UPF2: variants seen among roughly 807,000 people sequenced by gnomAD.
UPF2 encodes the protein regulator of nonsense transcripts 2.
In UPF2, 17 loss-of-function variants were observed where a neutral mutation model predicts 141.4. The ratio of observed to expected loss-of-function variants is 0.12; its 90% confidence interval spans 0.08 to 0.18. The LOEUF is 0.18. UPF2 is among the 10% of genes least tolerant of loss of function. The pLI, the probability that UPF2 is intolerant of heterozygous loss-of-function variation, is 1.00. For synonymous variants in UPF2, 540 were observed against 498.0 expected (o/e 1.08, Z -1.12); for missense variants, 1,152 against 1,515.9 (o/e 0.76, Z 3.99).
chr10:11,938,853 GTTTTTTTTTTTTTTTTTTT>G lies in UPF2; in HGVS notation c.3379-2160_3379-2142del, dbSNP rs58106776. ...GTGGTCTTAAGCAAGTTTTTTTTTTGTTTTTTTTTTTTTTTTTTTTTTTTTTTTTGGAGACGGAGTCTCA... is the reference window on the plus strand; with the variant it reads ...GTGGTCTTAAGCAAGTTTTTTTTTTGTTTTTTTTTTGGAGACGGAGTCTCA... On this transcript the variant is annotated intron_variant, in intron 18 of 21. Coordinates refer to ENST00000357604, the MANE Select transcript of UPF2 (RefSeq NM_015542.4). Among the ~76,000 whole-genome samples the G allele has an allele frequency of 5.0e-5, 4 of 79,816 alleles. 1 individual carries two copies. Among genetic ancestry groups the G allele is most frequent in the Non-Finnish European group, 9.4e-5 (4 of 42,776 alleles). 52.4% of individuals were successfully genotyped at this position (79,816 alleles called of 152,430 possible). A position where few individuals can be genotyped will look rare whatever the true frequency, so the allele number is the denominator to read the frequency against.
In UPF2 at chr10:11,963,327, T is replaced by TATTCATTC. The variant is rs112489937; in HGVS notation, c.2184+674_2184+681dup. On this transcript the variant is annotated intron_variant, in intron 11 of 21. Coordinates refer to ENST00000357604, the MANE Select transcript of UPF2 (RefSeq NM_015542.4). ...CATCCCTCCTATCTAGCTGTGTGAGTATTCATTCATTCATTCATTCATTCA... is the reference window on the plus strand; with the variant it reads ...CATCCCTCCTATCTAGCTGTGTGAGTATTCATTCATTCATTCATTCATTCATTCATTCA... Among the ~76,000 whole-genome samples the TATTCATTC allele has an allele frequency of 1.8e-3, 265 of 144,880 alleles. 1 individual carries two copies. Among genetic ancestry groups the TATTCATTC allele is most frequent in the African/African-American group, 5.5e-3 (226 of 40,934 alleles).
rs111647476 is a variant in UPF2, at chr10:12,007,823, G to T, written c.1307-3096C>A. ...TCCAGCCTGGGCAACACAGCAAGGC[G>T]CCGTCTCAAAGTAATAATAATAATA... On this transcript the variant is annotated intron_variant, in intron 4 of 21. Transcript: ENST00000357604. 1.9e-3 allele frequency among the ~76,000 whole-genome samples: 246 copies of T among 130,360 alleles called. 1 individual carries two copies. Among genetic ancestry groups the T allele is most frequent in the African/African-American group, 6.1e-3 (229 of 37,660 alleles). 85.5% of individuals were successfully genotyped at this position (130,360 alleles called of 152,430 possible).
rs150436964 is a variant in UPF2 at position 11,958,444 on chromosome 10, T to A, written c.2370+727A>T. Among the ~76,000 whole-genome samples, 236 of 152,348 alleles carry A rather than the reference T, an allele frequency of 1.5e-3. 1 individual carries two copies. The highest frequency in any genetic ancestry group is 5.2e-3 in the African/African-American group (218 of 41,584). ...TATGAGAACTCGTTTAGCCATTCTA[T>A]ACTTTTCAAACTTTTAGCCAATTCC... On this transcript the variant is annotated intron_variant, in intron 12 of 21. Coordinates refer to ENST00000357604, the MANE Select transcript of UPF2 (RefSeq NM_015542.4).
intron 20 of UPF2, among the ~76,000 whole-genome samples, chr10:11,930,950 AG>A (rs1271405597): frequency 6.6e-6 from 1 of 152,234 alleles, no homozygotes; most frequent in East Asian, 1.9e-4. Flanking sequence ...TGCATACCAC[AG>A]GAACACCAAA....
chr10:11,948,588 A>G, intron 15 of UPF2, 80 bp from the exon 16 acceptor site: 1 of 1,429,922 alleles, frequency 7.0e-7, no homozygotes. Context: ...CAATTCATGT[A>G]AAAGTATGCA....
At chr10:12,012,264 T>C (rs1318770951) in intron 4 of UPF2, among the ~76,000 whole-genome samples, 2 of 66 alleles carry the variant, frequency 0.03, no homozygotes, top group Admixed American at 0.1. Flanking sequence ...GGTTTCACCA[T>C]GTTGCGCCAA....
In UPF2 at chr10:11,980,472, A is replaced by G. The variant is rs930404650; in HGVS notation, c.1845-1307T>C. ...AATTATCGCTGAGTGGAGGCCGGGC[A>G]CGGTGGCTCACATCTGTAATCCCAG... is the stretch of plus-strand genomic sequence containing the variant. On this transcript the variant is annotated intron_variant, in intron 8 of 21. Transcript: ENST00000357604. This position sits in a 1 kb window ranked among gnomAD's most constrained non-coding sequence, Gnocchi z 4.2. 3.3e-5 allele frequency among the ~76,000 whole-genome samples: 5 copies of G among 152,182 alleles called. No individual in the cohort carries two copies. Among genetic ancestry groups the G allele is most frequent in the Non-Finnish European group, 7.3e-5 (5 of 68,034 alleles).
In UPF2 at chr10:11,980,993, G is replaced by A. The variant is rs1298518876; in HGVS notation, c.1845-1828C>T. Among the ~76,000 whole-genome samples, 1 of 151,998 alleles carries A rather than the reference G, an allele frequency of 6.6e-6. No homozygotes were observed. Among genetic ancestry groups the A allele is most frequent in the Non-Finnish European group, 1.5e-5 (1 of 68,012 alleles). On this transcript the variant is annotated intron_variant, in intron 8 of 21. Coordinates refer to ENST00000357604, the MANE Select transcript of UPF2 (RefSeq NM_015542.4). The surrounding 1 kb of genome is among the most constrained non-coding windows in gnomAD (Gnocchi z 4.2). ...ACCTGAGGTGAGGAGTTCAAGACCA[G>A]CCTGGCCAACATGGTGAAACCCCCA...
intron 3 of UPF2, among the ~76,000 whole-genome samples, chr10:12,023,156 T>C (rs1419046856): frequency 1.3e-5 from 2 of 152,210 alleles, no homozygotes; most frequent in Non-Finnish European, 2.9e-5. Context: ...TGAAATCATT[T>C]CTTCATCCAA....
Position 12,016,696 on chromosome 10 carries a change from A to G in UPF2, c.1146-2512T>C, listed in dbSNP as rs1834226716. Reference sequence around the variant, plus strand: ...GCGACAGAGCAAGACTGTCTAAAAAAAAAAAGAAAAAGAAGTAAGTTACTT... The same window carrying G: ...GCGACAGAGCAAGACTGTCTAAAAAGAAAAAGAAAAAGAAGTAAGTTACTT... On this transcript the variant is annotated intron_variant, in intron 3 of 21. Coordinates refer to ENST00000357604, the MANE Select transcript of UPF2 (RefSeq NM_015542.4). The surrounding 1 kb of genome is among the most constrained non-coding windows in gnomAD (Gnocchi z 4.1). 6.6e-6 allele frequency among the ~76,000 whole-genome samples: 1 copy of G among 151,176 alleles called. No individual in the cohort carries two copies. Among genetic ancestry groups the G allele is most frequent in the Admixed American group, 6.6e-5 (1 of 15,138 alleles).
intron 15 of UPF2, 36 bp downstream of exon 15, chr10:11,952,030 A>C: frequency 8.4e-6 from 13 of 1,553,860 alleles, no homozygotes; most frequent in South Asian, 1.1e-5. Context: ...TCTGCCAAAT[A>C]TCACCTTCAT....
chr10:12,037,718 C>T (rs1834657844), intron 1 of UPF2, among the ~76,000 whole-genome samples: 1 of 151,804 alleles, frequency 6.6e-6, no homozygotes, highest in African/African-American at 2.4e-5. Context: ...TTATTAAAAG[C>T]AATAGTATCC....
Position 11,956,452 on chromosome 10 carries a change from T to C in UPF2, c.2442A>G (p.Ile814Met), listed in dbSNP as rs1389950369. The C allele has an allele frequency of 6.2e-7, 1 of 1,614,142 alleles. No homozygotes were observed. The highest frequency in any genetic ancestry group is 1.7e-5 in the Admixed American group (1 of 60,026). ...TATTATATTTCACATTCCAGATGTT[T>C]ATCATACAACAAATAACATAGTCTT... ...EVKDYVICCM[I>M]NIWNVKYNSI... is the part of the protein sequence containing the mutation. The change falls in exon 13 of 22, where the codon ATA (isoleucine) becomes ATG (methionine). Residue 814 changes from isoleucine to methionine, a missense_variant. By Grantham distance (10) the Ile-to-Met change is conservative (BLOSUM62 1). Coordinates refer to ENST00000357604, the MANE Select transcript of UPF2 (RefSeq NM_015542.4). The surrounding 1 kb of genome is among the most constrained non-coding windows in gnomAD (Gnocchi z 4.2).
Position 11,999,921 on chromosome 10 carries a change from T to C in UPF2, c.1743A>G (p.Arg581=). ...FLQQLPNCVN[R]DLIDKAAMDF... is the part of the protein sequence containing the mutation. Reference sequence around the variant, plus strand: ...ATACCAATACCTTGTCTATCAGATCTCGGTTGACACAGTTGGGTAACTGCT... The same window carrying C: ...ATACCAATACCTTGTCTATCAGATCCCGGTTGACACAGTTGGGTAACTGCT... Residue 581 remains arginine, a synonymous_variant, in exon 7 of 22, where the codon CGA becomes CGG. Coordinates refer to ENST00000357604, the MANE Select transcript of UPF2 (RefSeq NM_015542.4). The C allele has an allele frequency of 6.2e-7, 1 of 1,613,882 alleles. No individual in the cohort carries two copies. Among genetic ancestry groups the C allele is most frequent in the Non-Finnish European group, 8.5e-7 (1 of 1,179,874 alleles).
At chr10:11,972,389 T>A (rs1160850966) in intron 9 of UPF2, among the ~76,000 whole-genome samples, 4 of 152,202 alleles carry the variant, frequency 2.6e-5, no homozygotes, top group African/African-American at 4.8e-5. Context: ...CTCTTTTTTT[T>A]ATTATTATTA....
At chr10:11,968,597 T>C (rs1249327517) in intron 9 of UPF2, among the ~76,000 whole-genome samples, 1 of 145,612 alleles carries the variant, frequency 6.9e-6, no homozygotes, top group Non-Finnish European at 1.5e-5. Context: ...ATATAATCAC[T>C]GTTCTTTTTT....
At chr10:11,960,244 T>C (rs1048991432) in intron 11 of UPF2, among the ~76,000 whole-genome samples, 2 of 152,142 alleles carry the variant, frequency 1.3e-5, no homozygotes, top group African/African-American at 4.8e-5. Flanking sequence ...TACTGAATAA[T>C]TAAGTCATTT....
intron 8 of UPF2, among the ~76,000 whole-genome samples, chr10:11,987,062 T>C (rs754258203): frequency 2.0e-5 from 3 of 152,262 alleles, no homozygotes; most frequent in Non-Finnish European, 4.4e-5. Flanking sequence ...TCTTACGTAC[T>C]TTCCCTGATA....
chr10:11,948,339 C>G (rs1233822131), intron 16 of UPF2, 30 bp downstream of exon 16: 1 of 1,501,636 alleles, frequency 6.7e-7, no homozygotes. Flanking sequence ...TACAAATGTA[C>G]TCTATGTTGC....
Sources: allele counts gnomAD v4.1 joint callset (sites outside exome capture counted in the v4.1 genomes callset), GRCh38; gene constraint gnomAD v4.1.1; non-coding constraint Gnocchi (gnomAD v3.1); transcripts MANE v1.5; gene names NCBI Gene and HGNC (gene_info 2026-07-23, HGNC 2026-07-21).